The following THSD7B variants were observed in gnomAD, a reference collection of about 807,000 sequenced individuals.
THSD7B encodes thrombospondin type 1 domain containing 7B.
In THSD7B, 138 loss-of-function variants were observed where a neutral mutation model predicts 213.6. The observed-to-expected ratio is 0.65, with a 90% confidence interval of 0.56 to 0.74. THSD7B has a LOEUF of 0.74. THSD7B is among the 30% of genes least tolerant of loss of function. The probability of loss-of-function intolerance (pLI) is 0.00; values close to 1 mark genes in which losing one functional copy is unlikely to be tolerated. For missense variants in THSD7B, 1,931 were observed against 1,991.5 expected, an observed-to-expected ratio of 0.97 and a Z score of 0.58; for synonymous variants, 742 against 687.0, an observed-to-expected ratio of 1.08 and a Z score of -1.25.
intron 1 of THSD7B, among the ~76,000 whole-genome samples, chr2:136,877,385 G>A (rs925569381): frequency 1.3e-5 from 2 of 152,094 alleles, no homozygotes; most frequent in East Asian, 3.9e-4. Context: ...TTAGAATTGT[G>A]TCTAGTAACG....
chr2:136,787,530 G>A (rs1225646586), intron 1 of THSD7B, among the ~76,000 whole-genome samples: 1 of 152,108 alleles, frequency 6.6e-6, no homozygotes, highest in Non-Finnish European at 1.5e-5. Flanking sequence ...TGCCTACAAT[G>A]TAAGTTTACA....
At chr2:137,634,348 G>A (rs1057374526) in intron 20 of THSD7B, among the ~76,000 whole-genome samples, 2 of 152,100 alleles carry the variant, frequency 1.3e-5, no homozygotes, top group African/African-American at 4.8e-5. Context: ...TAGACATGCT[G>A]GAAGCTCAAA....
chr2:137,283,604 A>G (rs2104821968), intron 12 of THSD7B, among the ~76,000 whole-genome samples: 1 of 152,320 alleles, frequency 6.6e-6, no homozygotes, highest in South Asian at 2.1e-4. Context: ...AGTTTTTAGC[A>G]TGAAGCGTTG....
At chr2:137,642,447 C>G in intron 20 of THSD7B, 41 bp from the exon 21 acceptor site, 1 of 1,608,520 alleles carries the variant, frequency 6.2e-7, no homozygotes, top group Non-Finnish European at 8.5e-7. Flanking sequence ...CCTTTCCAAG[C>G]CAAACTAACT....
At chr2:137,480,918 A>G (rs1688292506) in intron 15 of THSD7B, among the ~76,000 whole-genome samples, 2 of 152,196 alleles carry the variant, frequency 1.3e-5, no homozygotes. Flanking sequence ...TTGAAACCTA[A>G]TCCTCAGTGC....
chr2:137,412,469 G>A (rs1031972580), intron 14 of THSD7B, among the ~76,000 whole-genome samples: 5 of 150,970 alleles, frequency 3.3e-5, no homozygotes, highest in African/African-American at 7.3e-5. Context: ...GCGTGGTGGC[G>A]CATGCCTGTA....
chr2:137,370,957 C>G (rs185012548), intron 12 of THSD7B, among the ~76,000 whole-genome samples: 3 of 151,666 alleles, frequency 2.0e-5, no homozygotes, highest in African/African-American at 7.2e-5. Flanking sequence ...TTTTTTCATG[C>G]AGCATTTTAC....
chr2:136,912,181 G>GCA (rs1684269606), intron 2 of THSD7B, among the ~76,000 whole-genome samples: 1 of 151,874 alleles, frequency 6.6e-6, no homozygotes, highest in Non-Finnish European at 1.5e-5. Flanking sequence ...AATTAGCCGG[G>GCA]TGTGCTGGTG....
chr2:137,235,508 G>A (rs1159706260), intron 9 of THSD7B, among the ~76,000 whole-genome samples: 1 of 152,058 alleles, frequency 6.6e-6, no homozygotes, highest in African/African-American at 2.4e-5. Context: ...ATTTTAAAGG[G>A]CTATTCGGAC....
intron 12 of THSD7B, among the ~76,000 whole-genome samples, chr2:137,280,069 C>T (rs6746711): frequency 0.024 from 3,663 of 152,164 alleles, 164 homozygotes; most frequent in African/African-American, 0.084. Flanking sequence ...AAACCTTGTG[C>T]TTACAAGTTT....
At chr2:137,496,609 G>T (rs1488868940) in intron 15 of THSD7B, among the ~76,000 whole-genome samples, 2 of 151,948 alleles carry the variant, frequency 1.3e-5, no homozygotes, top group Non-Finnish European at 2.9e-5. Flanking sequence ...TCCTTCAACT[G>T]CACGTTTAAA....
At chr2:137,067,190 T>C (rs79909386) in intron 3 of THSD7B, among the ~76,000 whole-genome samples, 13,320 of 152,158 alleles carry the variant, frequency 0.088, 718 homozygotes, top group East Asian at 0.18. Flanking sequence ...TGAATCTCAT[T>C]TGGATGTTTG....
intron 2 of THSD7B, among the ~76,000 whole-genome samples, chr2:136,990,481 G>C (rs183089544): frequency 6.6e-6 from 1 of 151,740 alleles, no homozygotes; most frequent in African/African-American, 2.4e-5. Flanking sequence ...CAGAACTGTA[G>C]GGGGGGGACC....
intron 1 of THSD7B, among the ~76,000 whole-genome samples, chr2:136,838,369 C>T (rs1330943006): frequency 6.6e-6 from 1 of 152,038 alleles, no homozygotes; most frequent in Non-Finnish European, 1.5e-5. Flanking sequence ...CAGAGTTCCC[C>T]TTTCATCATT....
At chr2:137,656,668 T>C in intron 22 of THSD7B, 128 bp from the exon 23 acceptor site, 2 of 796,906 alleles carry the variant, frequency 2.5e-6, no homozygotes, top group Non-Finnish European at 3.8e-6. Flanking sequence ...AATTGATCAA[T>C]ATAGAATGTG....
chr2:137,118,649 G>T (rs1039626077), intron 5 of THSD7B, among the ~76,000 whole-genome samples: 5 of 152,024 alleles, frequency 3.3e-5, no homozygotes, highest in African/African-American at 1.2e-4. Context: ...TGCATTAGTT[G>T]CCCCCTCTGC....
At chr2:137,661,604 C>T (rs570738276) in intron 25 of THSD7B, among the ~76,000 whole-genome samples, 2 of 151,970 alleles carry the variant, frequency 1.3e-5, no homozygotes, top group African/African-American at 2.4e-5. Flanking sequence ...GCAGAATGTA[C>T]TTATGCTTGT....
intron 1 of THSD7B, among the ~76,000 whole-genome samples, chr2:136,872,010 G>A (rs998195563): frequency 6.6e-5 from 10 of 151,902 alleles, no homozygotes; most frequent in African/African-American, 2.4e-5. Context: ...CTATGTTCAC[G>A]TTCAGCAGGA....
intron 17 of THSD7B, among the ~76,000 whole-genome samples, chr2:137,610,496 G>A (rs1008111911): frequency 5.3e-5 from 8 of 152,200 alleles, no homozygotes; most frequent in South Asian, 4.1e-4. Flanking sequence ...CTACCTCATG[G>A]CCAATATTGA....
Sources: gnomAD v4.1 joint callset for allele counts (sites outside exome capture counted in the v4.1 genomes callset) on GRCh38, gnomAD v4.1.1 for gene constraint, MANE v1.5 for transcripts, NCBI Gene and HGNC (gene_info 2026-07-23, HGNC 2026-07-21) for gene names.